KATNIP: variants seen among roughly 807,000 people sequenced by gnomAD.
KATNIP encodes the protein katanin-interacting protein.
KATNIP carries 126 observed loss-of-function variants against 174.0 expected under a neutral mutation model. The ratio of observed to expected loss-of-function variants is 0.72; its 90% CI spans 0.63 to 0.84. The LOEUF is 0.84. Ranked by LOEUF, KATNIP falls within the 40% of genes least tolerant of loss-of-function variation. The pLI, the probability that KATNIP is intolerant of heterozygous loss-of-function variation, is 0.00. For missense variants in KATNIP, 1,958 were observed against 2,109.7 expected (o/e 0.93, Z 1.41); for synonymous variants, 810 against 835.7 (o/e 0.97, Z 0.53).
At chr16:27,559,934 T>A (rs929622937) in intron 1 of KATNIP, among the ~76,000 whole-genome samples, 6 of 151,958 alleles carry the variant, frequency 3.9e-5, no homozygotes, top group African/African-American at 1.5e-4. Flanking sequence ...TGAGCCTAGA[T>A]CGCGCCACTG....
chr16:27,593,402 C>T lies in KATNIP; in HGVS notation c.63+19446C>T, dbSNP rs575993371. Among the ~76,000 whole-genome samples the T allele has an allele frequency of 3.3e-4, 50 of 152,224 alleles. 1 individual carries two copies. The highest frequency in any genetic ancestry group is 1.1e-3 in the African/African-American group (46 of 41,544). On this transcript the variant is annotated intron_variant, in intron 2 of 27. Coordinates refer to ENST00000261588, the MANE Select transcript of KATNIP (RefSeq NM_015202.5). ...TACAGGCATGCACCACCACGCCCAA[C>T]TAATTTTATATTTTTAGTAGAGATG...
chr16:27,559,980 A>T (rs1310471014), intron 1 of KATNIP, among the ~76,000 whole-genome samples: 2 of 138,394 alleles, frequency 1.4e-5, no homozygotes, highest in Non-Finnish European at 3.1e-5. Flanking sequence ...GACTCTGTAT[A>T]AAAAAAATAA....
intron 5 of KATNIP, among the ~76,000 whole-genome samples, chr16:27,638,411 T>G (rs1241973158): frequency 6.6e-6 from 1 of 152,124 alleles, no homozygotes; most frequent in Admixed American, 6.5e-5. Flanking sequence ...AGTTTCTCCA[T>G]GGTAGACAGT....
intron 14 of KATNIP, among the ~76,000 whole-genome samples, chr16:27,733,775 T>C (rs1010447912): frequency 1.3e-5 from 2 of 151,992 alleles, no homozygotes; most frequent in African/African-American, 4.8e-5. Flanking sequence ...GAGAAAGGAT[T>C]TTCCCCCTGG....
At chr16:27,627,323 CA>C (rs2076363832) in intron 3 of KATNIP, among the ~76,000 whole-genome samples, 1 of 152,198 alleles carries the variant, frequency 6.6e-6, no homozygotes, top group Non-Finnish European at 1.5e-5. Context: ...ATACATAGTG[CA>C]GAAATGCTGT....
At position 27,740,240 on chromosome 16, in the gene KATNIP, G is replaced by T. The variant is rs1450239824; in HGVS notation, c.1943G>T (p.Gly648Val). Residue 648 changes from glycine (G) to valine (V), a missense_variant, in exon 15 of 28, where the codon GGT becomes GTT. Gly to Val is a moderately radical substitution (Grantham distance 109). Transcript: ENST00000261588. ...EESKGTHEMA[G>V]ASGDKELGLG... Reference sequence around the variant, plus strand: ...AGCAAAGGCACCCATGAGATGGCTGGTGCCAGCGGGGACAAGGAGCTTGGT... The same window carrying T: ...AGCAAAGGCACCCATGAGATGGCTGTTGCCAGCGGGGACAAGGAGCTTGGT... 6.2e-7 allele frequency: 1 copy of T among 1,614,250 alleles called. No individual in the cohort carries two copies. Among genetic ancestry groups the T allele is most frequent in the Admixed American group, 1.7e-5 (1 of 60,034 alleles).
intron 2 of KATNIP, among the ~76,000 whole-genome samples, chr16:27,600,450 C>G (rs1288605714): frequency 1.3e-5 from 2 of 152,164 alleles, no homozygotes; most frequent in Admixed American, 1.3e-4. Context: ...TTAAGCATAC[C>G]TGGGATGTCA....
chr16:27,709,601 T>C (rs568546286), intron 13 of KATNIP, among the ~76,000 whole-genome samples: 1 of 152,172 alleles, frequency 6.6e-6, no homozygotes, highest in East Asian at 1.9e-4. Flanking sequence ...ATTGTGCCAC[T>C]GCATTCCAGC....
intron 14 of KATNIP, chr16:27,727,880 AGTTT>A (rs1335981753): frequency 6.6e-6 from 1 of 152,250 alleles, no homozygotes; most frequent in Admixed American, 6.5e-5. Flanking sequence ...TAACAAAAAA[AGTTT>A]GTTTGTTTAT....
At chr16:27,774,196 T>C (rs971634995) in intron 23 of KATNIP, among the ~76,000 whole-genome samples, 3 of 152,298 alleles carry the variant, frequency 2.0e-5, no homozygotes, top group East Asian at 1.9e-4. Flanking sequence ...TGGCTTCCAG[T>C]TGGATCCTTT....
At chr16:27,575,905 G>T (rs1270043481) in intron 2 of KATNIP, among the ~76,000 whole-genome samples, 1 of 152,180 alleles carries the variant, frequency 6.6e-6, no homozygotes, top group African/African-American at 2.4e-5. Context: ...CTTCTGGTAA[G>T]GAATCTTTCT....
At chr16:27,560,074 G>A (rs533672751) in intron 1 of KATNIP, among the ~76,000 whole-genome samples, 1 of 148,334 alleles carries the variant, frequency 6.7e-6, no homozygotes, top group African/African-American at 2.5e-5. Context: ...ACGAGGTCAG[G>A]AGTTCAAGAC....
intron 6 of KATNIP, among the ~76,000 whole-genome samples, chr16:27,666,489 C>A (rs1390103019): frequency 1.3e-5 from 2 of 152,120 alleles, no homozygotes; most frequent in East Asian, 3.9e-4. Flanking sequence ...GCAGTCTTGA[C>A]TCACTACAAC....
intron 13 of KATNIP, among the ~76,000 whole-genome samples, chr16:27,717,672 G>A (rs2080016479): frequency 6.6e-6 from 1 of 152,150 alleles, no homozygotes. Flanking sequence ...GTCAGTGCCT[G>A]CTTCCACCCT....
intron 2 of KATNIP, among the ~76,000 whole-genome samples, chr16:27,588,147 C>A (rs1417021962): frequency 6.6e-6 from 1 of 152,038 alleles, no homozygotes; most frequent in African/African-American, 2.4e-5. Flanking sequence ...CTGCCTCTGC[C>A]TCCCAAAGTG....
At chr16:27,757,630 C>A in intron 18 of KATNIP, 1 of 561,588 alleles carries the variant, frequency 1.8e-6, no homozygotes, top group Non-Finnish European at 2.3e-6. Flanking sequence ...AATTTCTCTT[C>A]TCTTCTCAGT....
intron 2 of KATNIP, among the ~76,000 whole-genome samples, chr16:27,609,378 CTTTTTTTTTTTTTTTTT>C (rs35339029): frequency 1.4e-3 from 79 of 55,648 alleles, no homozygotes; most frequent in African/African-American, 6.4e-3. Flanking sequence ...TGAGTTAAGT[CTTTTTTTTTTTTTTTTT>C]TTTTTTTTTT....
intron 13 of KATNIP, among the ~76,000 whole-genome samples, chr16:27,720,918 C>G (rs1014944699): frequency 6.6e-6 from 1 of 152,140 alleles, no homozygotes; most frequent in Non-Finnish European, 1.5e-5. Context: ...GTACCCAAAG[C>G]ACTCATGACA....
chr16:27,707,679 A>G (rs1228472290), intron 12 of KATNIP, among the ~76,000 whole-genome samples: 1 of 152,250 alleles, frequency 6.6e-6, no homozygotes, highest in African/African-American at 2.4e-5. Flanking sequence ...CTTCAACAAC[A>G]GAGATTTGTT....
Sources: allele counts gnomAD v4.1 joint callset (sites outside exome capture counted in the v4.1 genomes callset), GRCh38; gene constraint gnomAD v4.1.1; transcripts MANE v1.5; gene names NCBI Gene and HGNC (gene_info 2026-07-23, HGNC 2026-07-21).